EVPLL: variants seen among roughly 807,000 people sequenced by gnomAD.
The protein encoded by EVPLL is envoplakin-like protein.
In EVPLL, 39 loss-of-function variants were observed where a neutral mutation model predicts 46.2. The observed-to-expected ratio is 0.84, with a 90% CI of 0.65 to 1.10. The LOEUF (loss-of-function observed/expected upper bound fraction) is 1.10, where lower values mean the gene tolerates loss of function less well. Ranked by LOEUF, EVPLL falls within the 50% of genes least tolerant of loss-of-function variation. The probability of loss-of-function intolerance (pLI) is 0.00; values close to 1 mark genes in which losing one functional copy is unlikely to be tolerated. For synonymous variants in EVPLL, 156 were observed against 165.8 expected (o/e 0.94, Z 0.46); for missense variants, 385 against 412.6 (o/e 0.93, Z 0.58).
In EVPLL at chr17:18,382,852, C is replaced by A. The variant is rs1327243925; in HGVS notation, c.499C>A (p.Pro167Thr). ...AGCRHHPEPI[P>T]RPTEGGVVAR... ...ATGCCGCCACCATCCGGAGCCAATA[C>A]CGAGACCTACTGGTGAGCAGGAGGG... The change falls in exon 6 of 11, where the codon CCG becomes ACG. Residue 167 changes from proline to threonine, a missense_variant. Transcript: ENST00000399134. The A allele has an allele frequency of 2.5e-6, 4 of 1,613,344 alleles. No individual in the cohort carries two copies. The highest frequency in any genetic ancestry group is 2.7e-5 in the African/African-American group (2 of 74,930).
At chr17:18,379,893 GA>G (rs1344243611) in intron 1 of EVPLL, 1 of 152,232 alleles carries the variant, frequency 6.6e-6, no homozygotes, top group Non-Finnish European at 1.5e-5. Context: ...CCTGCTTTAC[GA>G]GTGAGGAACC....
rs1229479507 is a variant in EVPLL, at chr17:18,381,925, G to C, written c.346+195G>C. 1.2e-6 allele frequency: 1 copy of C among 861,222 alleles called. No individual in the cohort carries two copies. Among genetic ancestry groups the C allele is most frequent in the Non-Finnish European group, 1.8e-6 (1 of 568,782 alleles). The allele number at this position is 861,222 out of a possible 1,614,324, so 53.3% of individuals were successfully genotyped here. On this transcript the variant is annotated intron_variant, in intron 4 of 10. Coordinates refer to ENST00000399134, the MANE Select transcript of EVPLL (RefSeq NM_001145127.2). This position sits in a 1 kb window ranked among gnomAD's most constrained non-coding sequence, Gnocchi z 4.2. Reference sequence around the variant, plus strand: ...GAGGCACATGAAGAGACCTCAGAGGGGTGAGAGGGCTCGGTTGGGTCAGGG... The same window carrying C: ...GAGGCACATGAAGAGACCTCAGAGGCGTGAGAGGGCTCGGTTGGGTCAGGG...
At chr17:18,382,413 G>A in intron 4 of EVPLL, 100 bp from the exon 5 acceptor site, 3 of 1,500,110 alleles carry the variant, frequency 2.0e-6, no homozygotes, top group African/African-American at 2.8e-5. Context: ...TCCACGCTCT[G>A]CCCAAATGAC....
chr17:18,384,071 G>A (rs1987692162), intron 9 of EVPLL, among the ~76,000 whole-genome samples: 1 of 152,168 alleles, frequency 6.6e-6, no homozygotes. Flanking sequence ...TTCCCAGGGG[G>A]GTGAAAATTC....
intron 5 of EVPLL, 29 bp from the exon 6 acceptor site, chr17:18,382,797 G>A (rs761384124): frequency 1.2e-6 from 2 of 1,610,168 alleles, no homozygotes; most frequent in African/African-American, 1.3e-5. Flanking sequence ...CACCTCTCAC[G>A]GGCTTGTTTC....
chr17:18,382,667 G>C (rs1205161587), intron 5 of EVPLL, 29 bp downstream of exon 5: 1 of 1,552,252 alleles, frequency 6.4e-7, no homozygotes, highest in South Asian at 1.2e-5. Context: ...TGTTACATCC[G>C]GGGCCAGCCC....
chr17:18,380,759 T>G lies in EVPLL; in HGVS notation c.-36-143T>G, dbSNP rs1987536671. The G allele has an allele frequency of 8.7e-6, 6 of 690,328 alleles. 1 individual carries two copies. The Admixed American group carries it at 1.6e-4, about 18-fold the overall frequency. The allele number at this position is 690,328 out of a possible 1,614,324, so 42.8% of individuals were successfully genotyped here. ...ACCAGGTCTAGCTCACAGAGCCTCC[T>G]GCAGAGAGAGACCCCAAAGTCAGGG... On this transcript the variant is annotated intron_variant, in intron 1 of 10. Transcript: ENST00000399134.
Position 18,382,392 on chromosome 17 carries a change from T to C in EVPLL, c.347-121T>C, listed in dbSNP as rs1297420122. Reference sequence around the variant, plus strand: ...GCTGCAGGGCGTGCACCCGGGCTGCTCTCAGGCTCGTCCACGCTCTGCCCA... The same window carrying C: ...GCTGCAGGGCGTGCACCCGGGCTGCCCTCAGGCTCGTCCACGCTCTGCCCA... On this transcript the variant is annotated intron_variant, in intron 4 of 10. Transcript: ENST00000399134. The C allele has an allele frequency of 1.4e-5, 20 of 1,404,952 alleles. 1 individual carries two copies. In the South Asian group the frequency reaches 2.6e-4, roughly 18 times the overall value. 87.0% of individuals were successfully genotyped at this position (1,404,952 alleles called of 1,614,324 possible).
At chr17:18,382,776 T>C (rs1987626896) in intron 5 of EVPLL, 50 bp from the exon 6 acceptor site, 1 of 1,593,322 alleles carries the variant, frequency 6.3e-7, no homozygotes, top group African/African-American at 1.3e-5. Context: ...GGGGGCCGTC[T>C]CCCTGTGCCC....
At chr17:18,388,764 A>AGGGGTCTGGTCAGTG (rs1247932205) in intron 10 of EVPLL, 93 bp from the exon 11 acceptor site, 1 of 153,078 alleles carries the variant, frequency 6.5e-6, no homozygotes, top group African/African-American at 2.4e-5. Flanking sequence ...ACCACCGCTC[A>AGGGGTCTGGTCAGTG]GGGGTCTGGT....
In EVPLL at chr17:18,381,651, T is replaced by C; in HGVS notation, c.267T>C (p.Cys89=). 1 of 1,614,166 alleles carries C rather than the reference T, an allele frequency of 6.2e-7. No homozygotes were observed. Among genetic ancestry groups the C allele is most frequent in the Non-Finnish European group, 8.5e-7 (1 of 1,180,026 alleles). Residue 89 remains cysteine, a synonymous_variant, in exon 4 of 11, where the codon TGT becomes TGC. Coordinates refer to ENST00000399134, the MANE Select transcript of EVPLL (RefSeq NM_001145127.2). This position sits in a 1 kb window ranked among gnomAD's most constrained non-coding sequence, Gnocchi z 4.2. ...TGACCCAGGAGTGTGCGGAGTACTG[T>C]GCCCTGTACGAGAAGATGGTGCTGC... is the stretch of plus-strand genomic sequence containing the variant. ...ERVTQECAEY[C]ALYEKMVLPP...
intron 4 of EVPLL, 128 bp from the exon 5 acceptor site, chr17:18,382,385 G>A: frequency 1.5e-6 from 2 of 1,337,652 alleles, no homozygotes; most frequent in Non-Finnish European, 2.0e-6. Flanking sequence ...GCGTGCACCC[G>A]GGCTGCTCTC....
rs1353347895 is a variant in EVPLL, at chr17:18,382,638, G to A, written c.472G>A (p.Gly158Arg). 1.9e-6 allele frequency: 3 copies of A among 1,551,938 alleles called. No homozygotes were observed. Among genetic ancestry groups the A allele is most frequent in the East Asian group, 2.4e-5 (1 of 40,962 alleles). ...RRAAAEPGGA[G>R]CRHHPEPIPR... The stretch of plus-strand genomic sequence containing the variant: ...AGCAGCTGCGGAGCCTGGTGGGGCC[G>A]GTGGGTGAGCCGGGAAGATGTTACA... Residue 158 changes from glycine (G) to arginine (R), a missense_variant and splice_region_variant, in exon 5 of 11, where the codon GGA becomes AGA. Gly to Arg is a moderately radical substitution (Grantham distance 125). Transcript: ENST00000399134.
intron 9 of EVPLL, among the ~76,000 whole-genome samples, chr17:18,387,152 G>T (rs1198359403): frequency 6.7e-6 from 1 of 150,222 alleles, no homozygotes; most frequent in African/African-American, 2.5e-5. Flanking sequence ...GCCCGCCTCG[G>T]CCTCCCAAAG....
Position 18,381,830 on chromosome 17 carries a change from G to A in EVPLL, c.346+100G>A. The A allele has an allele frequency of 6.4e-7, 1 of 1,565,430 alleles. No homozygotes were observed. The highest frequency in any genetic ancestry group is 8.7e-7 in the Non-Finnish European group (1 of 1,149,944). On this transcript the variant is annotated intron_variant, in intron 4 of 10. Coordinates refer to ENST00000399134, the MANE Select transcript of EVPLL (RefSeq NM_001145127.2). This position sits in a 1 kb window ranked among gnomAD's most constrained non-coding sequence, Gnocchi z 4.2. The stretch of plus-strand genomic sequence containing the variant: ...TAGGCTTGAACAGTCAGTGTATAGT[G>A]GTGTCTCAGGGGTCTGGGCAGGGAG...
intron 9 of EVPLL, among the ~76,000 whole-genome samples, chr17:18,384,962 G>A (rs1850053782): frequency 8.5e-6 from 1 of 116,994 alleles, no homozygotes; most frequent in Admixed American, 8.5e-5. Flanking sequence ...AGAGGGAGAG[G>A]AGGATGGAGA....
chr17:18,378,875 G>A (rs56793258), intron 1 of EVPLL, among the ~76,000 whole-genome samples: 6,779 of 149,906 alleles, frequency 0.045, 438 homozygotes, highest in African/African-American at 0.15. Context: ...CCCAGGAGTT[G>A]GAGACCAGCC....
At position 18,385,401 on chromosome 17, in the gene EVPLL, C is replaced by T. The variant is rs564314017; in HGVS notation, c.876+1814C>T. On this transcript the variant is annotated intron_variant, in intron 9 of 10. Coordinates refer to ENST00000399134, the MANE Select transcript of EVPLL (RefSeq NM_001145127.2). ...GACCTTGGCTTGGGCCCAAAGTAGC[C>T]GGGTACCCACTGGGGCTCTGCTTCT... Among the ~76,000 whole-genome samples, 10 of 101,354 alleles carry T rather than the reference C, an allele frequency of 9.9e-5. 1 individual carries two copies. The highest frequency in any genetic ancestry group is 2.1e-4 in the East Asian group (1 of 4,856). 66.5% of individuals were successfully genotyped at this position (101,354 alleles called of 152,430 possible). A position where few individuals can be genotyped will look rare whatever the true frequency, so the allele number is the denominator to read the frequency against.
At chr17:18,379,019 G>T (rs1316997226) in intron 1 of EVPLL, among the ~76,000 whole-genome samples, 1 of 152,184 alleles carries the variant, frequency 6.6e-6, no homozygotes, top group East Asian at 1.9e-4. Context: ...AGTCGAGGCT[G>T]CAGTGAGCCG....
Sources: gnomAD v4.1 joint callset for allele counts (sites outside exome capture counted in the v4.1 genomes callset) on GRCh38, gnomAD v4.1.1 for gene constraint, Gnocchi (gnomAD v3.1) non-coding constraint, MANE v1.5 for transcripts, NCBI Gene and HGNC (gene_info 2026-07-23, HGNC 2026-07-21) for gene names.